The following DCP1A variants were observed in gnomAD, a reference collection of about 807,000 sequenced individuals.
The protein encoded by DCP1A is decapping mRNA 1A.
A neutral mutation model predicts 58.0 loss-of-function variants in DCP1A; 20 were observed. That is an observed-to-expected ratio of 0.34 (90% CI 0.24 to 0.50). The LOEUF (loss-of-function observed/expected upper bound fraction) is 0.50. Among genes scored for constraint, DCP1A ranks in the 20% least tolerant of loss-of-function variants. The pLI, the probability that DCP1A is intolerant of heterozygous loss-of-function variation, is 0.98. For synonymous variants in DCP1A, 285 were observed against 275.1 expected, an observed-to-expected ratio of 1.04 and a Z score of -0.36; for missense variants, 613 against 712.2, an observed-to-expected ratio of 0.86 and a Z score of 1.59.
intron 8 of DCP1A, among the ~76,000 whole-genome samples, chr3:53,289,713 C>A (rs1706783474): frequency 6.6e-6 from 1 of 152,160 alleles, no homozygotes. Flanking sequence ...CTACCTCTCT[C>A]CTCCATTTAG....
At chr3:53,337,732 A>G (rs1023353613) in intron 3 of DCP1A, among the ~76,000 whole-genome samples, 3 of 152,256 alleles carry the variant, frequency 2.0e-5, no homozygotes, top group Non-Finnish European at 2.9e-5. Context: ...AAGCTTCCCA[A>G]GTAGTTGTTT....
intron 5 of DCP1A, among the ~76,000 whole-genome samples, chr3:53,306,755 T>C (rs192951295): frequency 0.022 from 2,538 of 113,676 alleles, 83 homozygotes; most frequent in African/African-American, 0.085. Flanking sequence ...TGGGCAACAG[T>C]GCAAGACTCC....
intron 3 of DCP1A, among the ~76,000 whole-genome samples, chr3:53,340,390 T>C (rs62257009): frequency 0.17 from 25,215 of 152,176 alleles, 2,570 homozygotes; most frequent in Middle Eastern, 0.29. Flanking sequence ...CCTGGACAAA[T>C]AGTTTACTGA....
chr3:53,312,672 T>C (rs1707686356), intron 4 of DCP1A, among the ~76,000 whole-genome samples: 1 of 151,942 alleles, frequency 6.6e-6, no homozygotes. Flanking sequence ...TGTTTTGTAT[T>C]TTTAGTAGAG....
At chr3:53,344,465 T>C (rs1484953359) in intron 2 of DCP1A, among the ~76,000 whole-genome samples, 5 of 152,190 alleles carry the variant, frequency 3.3e-5, no homozygotes, top group African/African-American at 9.7e-5. Flanking sequence ...CTTCTGTGGG[T>C]TGGGAAAGAG....
intron 5 of DCP1A, among the ~76,000 whole-genome samples, chr3:53,309,477 A>G (rs1411013358): frequency 6.6e-6 from 1 of 152,170 alleles, no homozygotes; most frequent in African/African-American, 2.4e-5. Flanking sequence ...AACAGTCTCT[A>G]GGCTGGCCAC....
intron 4 of DCP1A, among the ~76,000 whole-genome samples, chr3:53,318,375 T>C (rs1707872306): frequency 6.6e-6 from 1 of 152,076 alleles, no homozygotes; most frequent in African/African-American, 2.4e-5. Context: ...TTAAGATTAT[T>C]TTCTTTTAAA....
At position 53,291,495 on chromosome 3, in the gene DCP1A, C is replaced by A. The variant is rs145013114; in HGVS notation, c.1383+574G>T. The stretch of plus-strand genomic sequence containing the variant: ...CCCACCTTCCCACTACCCTTCCCAG[C>A]CTCTGGTAACCATCCTTCTATTCTC... On this transcript the variant is annotated intron_variant, in intron 7 of 9. Coordinates refer to ENST00000610213, the MANE Select transcript of DCP1A (RefSeq NM_018403.7). Among the ~76,000 whole-genome samples, 360 of 151,852 alleles carry A rather than the reference C, an allele frequency of 2.4e-3. 1 individual carries two copies. Among genetic ancestry groups the A allele is most frequent in the African/African-American group, 8.1e-3 (334 of 41,370 alleles).
At chr3:53,316,338 C>T (rs1225801779) in intron 4 of DCP1A, among the ~76,000 whole-genome samples, 1 of 152,080 alleles carries the variant, frequency 6.6e-6, no homozygotes, top group African/African-American at 2.4e-5. Context: ...GCATTTATCA[C>T]AAAGTTAATG....
At chr3:53,303,139 A>AG (rs1387303616) in intron 6 of DCP1A, among the ~76,000 whole-genome samples, 4 of 148,826 alleles carry the variant, frequency 2.7e-5, no homozygotes, top group African/African-American at 9.9e-5. Flanking sequence ...TTTCTAGAGA[A>AG]GGGGTCTCAC....
At chr3:53,312,144 C>T in intron 5 of DCP1A, 97 bp downstream of exon 5, 2 of 1,375,484 alleles carry the variant, frequency 1.5e-6, no homozygotes, top group Admixed American at 2.5e-5. Context: ...TCTGCCGTCC[C>T]TGGAGGCCAG....
intron 3 of DCP1A, among the ~76,000 whole-genome samples, chr3:53,328,369 T>G (rs1708169111): frequency 6.6e-6 from 1 of 152,212 alleles, no homozygotes; most frequent in Non-Finnish European, 1.5e-5. Context: ...TGTTAACATA[T>G]TTCTGTCACT....
chr3:53,311,936 G>T (rs1707654709), intron 5 of DCP1A, among the ~76,000 whole-genome samples: 1 of 149,030 alleles, frequency 6.7e-6, no homozygotes, highest in Non-Finnish European at 1.5e-5. Context: ...GTTTAAAATT[G>T]TAAGACACAT....
At position 53,313,612 on chromosome 3, in the gene DCP1A, A is replaced by G. The variant is rs572787813; in HGVS notation, c.372-1233T>C. On this transcript the variant is annotated intron_variant, in intron 4 of 9. Transcript: ENST00000610213. ...CTTGAATAATAAATTTTAATAAAGC[A>G]ACTTTTTTTGTTTTTTTTAAGATTC... Among the ~76,000 whole-genome samples the G allele has an allele frequency of 4.7e-4, 71 of 152,154 alleles. 4 individuals carry two copies. The South Asian group carries it at 0.014, about 31-fold the overall frequency.
rs1706642463 is a variant in DCP1A at position 53,286,571 on chromosome 3, ATT to A, written c.*1007_*1008del. On this transcript the variant is annotated 3_prime_UTR_variant, in exon 10 of 10. Transcript: ENST00000610213. ...ATACATTGGTAGAGTTCGGAATCAC[ATT>A]TTCTTTTAACTCCATAATTCTACAA... is the stretch of plus-strand genomic sequence containing the variant. 1 of 152,186 alleles carries A rather than the reference ATT, an allele frequency of 6.6e-6. No homozygotes were observed. The highest frequency in any genetic ancestry group is 1.9e-4 in the East Asian group (1 of 5,194). 9.4% of individuals were successfully genotyped at this position (152,186 alleles called of 1,614,324 possible).
rs149593105 is a variant in DCP1A at position 53,336,387 on chromosome 3, G to T, written c.304+5757C>A. ...CTCCCAAAGTGTTGGGATTTCAGGC[G>T]TGAGCCACCGCACAGGGCCTTTATT... On this transcript the variant is annotated intron_variant, in intron 3 of 9. Transcript: ENST00000610213. Among the ~76,000 whole-genome samples, 936 of 152,314 alleles carry T rather than the reference G, an allele frequency of 6.1e-3. 3 individuals are homozygous for T. The highest frequency in any genetic ancestry group is 0.017 in the Middle Eastern group (5 of 294).
At chr3:53,299,149 T>C (rs569054140) in intron 6 of DCP1A, among the ~76,000 whole-genome samples, 2 of 152,368 alleles carry the variant, frequency 1.3e-5, no homozygotes, top group East Asian at 1.9e-4. Context: ...GAATTTGTCA[T>C]AGGAGCCTGG....
chr3:53,302,419 A>G (rs1438455006), intron 6 of DCP1A, among the ~76,000 whole-genome samples: 1 of 152,226 alleles, frequency 6.6e-6, no homozygotes, highest in East Asian at 1.9e-4. Flanking sequence ...AGCAATGAAC[A>G]AGGCTCATAA....
chr3:53,336,228 C>T (rs1353366202), intron 3 of DCP1A, among the ~76,000 whole-genome samples: 1 of 152,180 alleles, frequency 6.6e-6, no homozygotes, highest in Non-Finnish European at 1.5e-5. Context: ...CTCAGTCTCT[C>T]CCGAGTAGCT....
Sources: allele counts gnomAD v4.1 joint callset (sites outside exome capture counted in the v4.1 genomes callset), GRCh38; gene constraint gnomAD v4.1.1; transcripts MANE v1.5; gene names NCBI Gene and HGNC (gene_info 2026-07-23, HGNC 2026-07-21).